SLC16A7: variants seen among roughly 807,000 people sequenced by gnomAD.
SLC16A7 encodes monocarboxylate transporter 2.
Under a neutral mutation model 34.9 loss-of-function variants are expected in SLC16A7, and 33 were observed. The ratio of observed to expected loss-of-function variants is 0.94; its 90% CI spans 0.72 to 1.26. The LOEUF (loss-of-function observed/expected upper bound fraction) is 1.26, where lower values mean the gene tolerates loss of function less well. Among genes scored for constraint, SLC16A7 ranks in the 50% most tolerant of loss-of-function variants. The probability of loss-of-function intolerance (pLI) is 0.00; values close to 1 mark genes in which losing one functional copy is unlikely to be tolerated. For missense variants in SLC16A7, 573 were observed against 578.1 expected (o/e 0.99, Z 0.09); for synonymous variants, 201 against 206.6 (o/e 0.97, Z 0.23).
intron 2 of SLC16A7, among the ~76,000 whole-genome samples, chr12:59,657,631 G>C (rs1248740346): frequency 6.6e-6 from 1 of 151,908 alleles, no homozygotes; most frequent in African/African-American, 2.4e-5. Context: ...AGTGGTGGTG[G>C]GTCTGCTTTA....
chr12:59,676,174 G>A (rs1007357302), intron 2 of SLC16A7, among the ~76,000 whole-genome samples: 3 of 151,982 alleles, frequency 2.0e-5, no homozygotes, highest in African/African-American at 2.4e-5. Flanking sequence ...ACAGATTGAT[G>A]TTCTCAATGA....
chr12:59,687,873 T>C (rs1369276004), intron 2 of SLC16A7, among the ~76,000 whole-genome samples: 8 of 152,086 alleles, frequency 5.3e-5, no homozygotes, highest in Non-Finnish European at 1.2e-4. Flanking sequence ...CAAAAGGCAG[T>C]CACATGTCCA....
rs1163485996 is a variant in SLC16A7, at chr12:59,764,770, G to A, written c.218-6449G>A. On this transcript the variant is annotated intron_variant, in intron 3 of 5. Coordinates refer to ENST00000547379, the MANE Select transcript of SLC16A7 (RefSeq NM_001270623.2). ...GGGTTGGTTCCAAGTCTTTGCTATT[G>A]TGAATAGTGCCGCAATAAACATACG... 7.2e-5 allele frequency among the ~76,000 whole-genome samples: 11 copies of A among 152,148 alleles called. No homozygotes were observed. In the South Asian group the frequency reaches 1.7e-3, roughly 23 times the overall value.
chr12:59,663,792 G>A (rs1592449878), intron 2 of SLC16A7, among the ~76,000 whole-genome samples: 1 of 152,094 alleles, frequency 6.6e-6, no homozygotes, highest in Non-Finnish European at 1.5e-5. Context: ...TTTTGTAAAA[G>A]CATTTGGTTT....
chr12:59,687,035 A>G (rs961232925), intron 2 of SLC16A7, among the ~76,000 whole-genome samples: 6 of 152,022 alleles, frequency 3.9e-5, no homozygotes, highest in Non-Finnish European at 7.4e-5. Context: ...AACATTTTAC[A>G]TCATAAATAT....
intron 1 of SLC16A7, among the ~76,000 whole-genome samples, chr12:59,600,757 C>G (rs1878643558): frequency 6.6e-6 from 1 of 152,128 alleles, no homozygotes; most frequent in African/African-American, 2.4e-5. Context: ...TGGAGCTGGA[C>G]TAACTGGGAC....
chr12:59,667,283 TAGGAAAATGC>T lies in SLC16A7; in HGVS notation c.-31+12042_-31+12051del, dbSNP rs1869287598. 4.6e-5 allele frequency among the ~76,000 whole-genome samples: 7 copies of T among 152,066 alleles called. No homozygotes were observed. In the South Asian group the frequency reaches 1.5e-3, roughly 32 times the overall value. ...CATATCAGGAGGGCTTGGAGGAAGA[TAGGAAAATGC>T]AGGAAAATTTGGAACTTCCTAGAGA... On this transcript the variant is annotated intron_variant, in intron 2 of 5. Transcript: ENST00000547379.
intron 3 of SLC16A7, among the ~76,000 whole-genome samples, chr12:59,744,807 A>G (rs1298844206): frequency 6.6e-6 from 1 of 152,164 alleles, no homozygotes; most frequent in East Asian, 1.9e-4. Flanking sequence ...TGGTCTGGCC[A>G]GCACCCAAAA....
chr12:59,745,262 G>A (rs1020672878), intron 3 of SLC16A7, among the ~76,000 whole-genome samples: 2 of 152,122 alleles, frequency 1.3e-5, no homozygotes, highest in African/African-American at 2.4e-5. Flanking sequence ...GTCTATTCTC[G>A]CATTTTATTC....
intron 1 of SLC16A7, among the ~76,000 whole-genome samples, chr12:59,646,335 A>T (rs986648888): frequency 1.6e-4 from 24 of 151,978 alleles, no homozygotes; most frequent in African/African-American, 5.8e-4. Flanking sequence ...TGTCTCAGCC[A>T]CTCTAGCCAT....
intron 1 of SLC16A7, among the ~76,000 whole-genome samples, chr12:59,646,671 C>G (rs1868254396): frequency 6.6e-6 from 1 of 152,110 alleles, no homozygotes; most frequent in Admixed American, 6.5e-5. Context: ...TCCCCTGGAA[C>G]CCAGAATGGT....
intron 3 of SLC16A7, among the ~76,000 whole-genome samples, chr12:59,762,129 A>G (rs1243987895): frequency 1.3e-5 from 2 of 152,060 alleles, no homozygotes; most frequent in Admixed American, 1.3e-4. Flanking sequence ...GGTCTTTGTC[A>G]TTCTACTGTG....
chr12:59,638,946 T>C (rs1358449537), intron 1 of SLC16A7, among the ~76,000 whole-genome samples: 4 of 152,174 alleles, frequency 2.6e-5, no homozygotes, highest in Admixed American at 2.0e-4. Context: ...ATAAACTGAG[T>C]AATACATACA....
At chr12:59,686,000 G>A (rs542888292) in intron 2 of SLC16A7, among the ~76,000 whole-genome samples, 3 of 151,846 alleles carry the variant, frequency 2.0e-5, no homozygotes, top group African/African-American at 7.2e-5. Context: ...CTAAGAATTG[G>A]CCTTTGGGAG....
chr12:59,730,733 C>A (rs1006384755), intron 3 of SLC16A7, among the ~76,000 whole-genome samples: 2 of 152,050 alleles, frequency 1.3e-5, no homozygotes, highest in Non-Finnish European at 2.9e-5. Flanking sequence ...TTTGTATGCT[C>A]AAAAACTCTT....
At chr12:59,607,863 T>C (rs1014019887) in intron 1 of SLC16A7, among the ~76,000 whole-genome samples, 2 of 152,202 alleles carry the variant, frequency 1.3e-5, no homozygotes, top group African/African-American at 4.8e-5. Context: ...TTGACATAAG[T>C]CTACAAAACT....
chr12:59,776,282 T>C lies in SLC16A7; in HGVS notation c.1180+807T>C, dbSNP rs1036335783. On this transcript the variant is annotated intron_variant, in intron 5 of 5. Coordinates refer to ENST00000547379, the MANE Select transcript of SLC16A7 (RefSeq NM_001270623.2). ...ATTAGATTTTTGTTGGAATTGCTTGTGGTTATTTTATAGTTTCCTTCTGAA... is the reference window on the plus strand; with the variant it reads ...ATTAGATTTTTGTTGGAATTGCTTGCGGTTATTTTATAGTTTCCTTCTGAA... 3.2e-4 allele frequency among the ~76,000 whole-genome samples: 48 copies of C among 152,314 alleles called. 1 individual carries two copies. Among genetic ancestry groups the C allele is most frequent in the African/African-American group, 1.1e-3 (46 of 41,576 alleles).
At chr12:59,744,913 A>G (rs968293852) in intron 3 of SLC16A7, among the ~76,000 whole-genome samples, 3 of 152,128 alleles carry the variant, frequency 2.0e-5, no homozygotes, top group African/African-American at 7.2e-5. Context: ...TGCCCCTGCC[A>G]GTGCTGAAGT....
intron 4 of SLC16A7, among the ~76,000 whole-genome samples, chr12:59,773,180 G>T (rs1882402385): frequency 6.6e-6 from 1 of 151,256 alleles, no homozygotes; most frequent in South Asian, 2.1e-4. Flanking sequence ...CAAGCTACTT[G>T]ACCATAGGCT....
Sources: gnomAD v4.1 joint callset for allele counts (sites outside exome capture counted in the v4.1 genomes callset) on GRCh38, gnomAD v4.1.1 for gene constraint, MANE v1.5 for transcripts, NCBI Gene and HGNC (gene_info 2026-07-23, HGNC 2026-07-21) for gene names.